DEUP1: variants seen among roughly 807,000 people sequenced by gnomAD.
DEUP1 encodes the protein deuterosome assembly protein 1, also known as coiled-coil domain containing 67.
DEUP1 carries 82 observed loss-of-function variants against 87.4 expected under a neutral mutation model. The ratio of observed to expected loss-of-function variants is 0.94; its 90% CI spans 0.78 to 1.13. The LOEUF is 1.13. Ranked by LOEUF, DEUP1 falls within the 50% of genes most tolerant of loss-of-function variation. DEUP1 has a pLI of 0.00. For missense variants in DEUP1, 663 were observed against 681.5 expected (o/e 0.97, Z 0.30); for synonymous variants, 214 against 222.7 (o/e 0.96, Z 0.35).
At chr11:93,363,652 GA>G (rs1331673028) in intron 4 of DEUP1, among the ~76,000 whole-genome samples, 2 of 151,704 alleles carry the variant, frequency 1.3e-5, no homozygotes, top group African/African-American at 4.8e-5. Context: ...TTATCATTAA[GA>G]AAAATATTAG....
intron 2 of DEUP1, among the ~76,000 whole-genome samples, chr11:93,339,117 A>G (rs1046072168): frequency 2.0e-5 from 3 of 152,230 alleles, no homozygotes; most frequent in African/African-American, 4.8e-5. Context: ...ACATTTGGCT[A>G]TTATTCCCTG....
At position 93,343,842 on chromosome 11, in the gene DEUP1, CT is replaced by C. The variant is rs149094197; in HGVS notation, c.30-11521del. 4.6e-5 allele frequency among the ~76,000 whole-genome samples: 7 copies of C among 151,750 alleles called. 1 individual carries two copies. The highest frequency in any genetic ancestry group is 4.2e-4 in the South Asian group (2 of 4,808). On this transcript the variant is annotated intron_variant, in intron 2 of 13. Transcript: ENST00000298050. Reference sequence around the variant, plus strand: ...AGGCCTTTATAAGTACATTTAAGCACTTTTTTTTAGAATAATGAGGTTTATA... The same window carrying C: ...AGGCCTTTATAAGTACATTTAAGCACTTTTTTTAGAATAATGAGGTTTATA...
At chr11:93,361,365 A>C (rs532579728) in intron 4 of DEUP1, among the ~76,000 whole-genome samples, 2 of 152,224 alleles carry the variant, frequency 1.3e-5, no homozygotes, top group East Asian at 3.9e-4. Context: ...AGAGTAAAAA[A>C]CATGGGGGGA....
chr11:93,380,306 C>T (rs1362075302), intron 7 of DEUP1, among the ~76,000 whole-genome samples: 3 of 144,272 alleles, frequency 2.1e-5, no homozygotes, highest in African/African-American at 7.8e-5. Flanking sequence ...TAACAACTAC[C>T]TGTGTGGCTT....
rs1304450119 is a variant in DEUP1, at chr11:93,438,311, A to G, written c.*592A>G. On this transcript the variant is annotated 3_prime_UTR_variant, in exon 14 of 14. Transcript: ENST00000298050. ...TGAAGGTATATGGAATGTGCAATTT[A>G]CAAACCTAAAATATATGTGCCAAAA... 1 of 152,178 alleles carries G rather than the reference A, an allele frequency of 6.6e-6. No individual in the cohort carries two copies. The highest frequency in any genetic ancestry group is 6.5e-5 in the Admixed American group (1 of 15,270). The allele number at this position is 152,178 out of a possible 1,614,324, so 9.4% of individuals were successfully genotyped here.
Position 93,394,482 on chromosome 11 carries a change from G to T in DEUP1, c.1065G>T (p.Val355=). The change falls in exon 10 of 14, where the codon GTG becomes GTT. Residue 355 remains valine, a synonymous_variant. Transcript: ENST00000298050. The part of the protein sequence containing the change: ...LNKIRSQLQQ[V]EEYHNSEQER... ...AGATAAGAAGCCAACTCCAACAGGT[G>T]GAAGAGTACCATAACTCTGAGCAGG... The T allele has an allele frequency of 1.3e-6, 2 of 1,586,590 alleles. No homozygotes were observed. Among genetic ancestry groups the T allele is most frequent in the South Asian group, 2.4e-5 (2 of 84,660 alleles).
chr11:93,332,019 C>G (rs1294204515), intron 1 of DEUP1, among the ~76,000 whole-genome samples, 197 bp from the exon 2 acceptor site: 1 of 152,046 alleles, frequency 6.6e-6, no homozygotes, highest in African/African-American at 2.4e-5. Context: ...CCAGCCTGGG[C>G]CACAGAGCTA....
intron 11 of DEUP1, among the ~76,000 whole-genome samples, chr11:93,398,361 T>C (rs1335731877): frequency 6.6e-6 from 1 of 152,180 alleles, no homozygotes; most frequent in African/African-American, 2.4e-5. Context: ...TTTGCCCGAA[T>C]GAACAGTACT....
At chr11:93,416,410 G>A (rs1481355397) in intron 13 of DEUP1, among the ~76,000 whole-genome samples, 7 of 152,186 alleles carry the variant, frequency 4.6e-5, no homozygotes, top group South Asian at 2.1e-4. Flanking sequence ...ACACCTCTAC[G>A]CAAATAAACT....
chr11:93,356,496 T>C (rs1270693546), intron 3 of DEUP1, among the ~76,000 whole-genome samples: 1 of 152,184 alleles, frequency 6.6e-6, no homozygotes, highest in Non-Finnish European at 1.5e-5. Flanking sequence ...TAGGAACTGC[T>C]CTTAGACAAT....
intron 7 of DEUP1, among the ~76,000 whole-genome samples, chr11:93,374,239 T>C (rs899709392): frequency 7.2e-5 from 11 of 152,210 alleles, no homozygotes; most frequent in African/African-American, 2.4e-4. Context: ...GGGTTATGTG[T>C]TTACTGATTA....
intron 12 of DEUP1, among the ~76,000 whole-genome samples, 181 bp downstream of exon 12, chr11:93,408,608 G>T (rs765806849): frequency 6.6e-6 from 1 of 152,088 alleles, no homozygotes; most frequent in African/African-American, 2.4e-5. Context: ...AAATTGTGTC[G>T]ATTTGAAATG....
At chr11:93,368,536 C>T (rs7929254) in intron 5 of DEUP1, among the ~76,000 whole-genome samples, 13,842 of 152,104 alleles carry the variant, frequency 0.091, 1,640 homozygotes, top group African/African-American at 0.27. Context: ...ACGTGGCCAA[C>T]AGGAGAGAAA....
At chr11:93,412,332 T>C (rs1290681980) in intron 12 of DEUP1, among the ~76,000 whole-genome samples, 1 of 152,192 alleles carries the variant, frequency 6.6e-6, no homozygotes, top group Non-Finnish European at 1.5e-5. Flanking sequence ...ACAGATCAGC[T>C]TGTGAGAGGA....
intron 9 of DEUP1, among the ~76,000 whole-genome samples, chr11:93,393,075 CTCTTCCTCCTTCTTT>C (rs1946821999): frequency 8.0e-6 from 1 of 125,046 alleles, no homozygotes; most frequent in African/African-American, 3.9e-5. Context: ...CCTTCTTCTT[CTCTTCCTCCTTCTTT>C]TTTTTTTTTT....
At chr11:93,379,291 G>A (rs879437672) in intron 7 of DEUP1, among the ~76,000 whole-genome samples, 9 of 152,156 alleles carry the variant, frequency 5.9e-5, no homozygotes, top group Admixed American at 2.0e-4. Context: ...TTTCTTGGCA[G>A]TATGACTGAC....
chr11:93,379,271 T>A (rs1946188363), intron 7 of DEUP1, among the ~76,000 whole-genome samples: 1 of 152,188 alleles, frequency 6.6e-6, no homozygotes, highest in Non-Finnish European at 1.5e-5. Flanking sequence ...AAAAAGATCC[T>A]CTGTACCTCT....
rs1019449281 is a variant in DEUP1 at position 93,366,222 on chromosome 11, C to G, written c.432+1928C>G. ...ATGGACTAAGTTGATGGTAGTTAAACTGGGTGAAGGGTACATGGAGGTTTG... is the reference window on the plus strand; with the variant it reads ...ATGGACTAAGTTGATGGTAGTTAAAGTGGGTGAAGGGTACATGGAGGTTTG... On this transcript the variant is annotated intron_variant, in intron 5 of 13. Coordinates refer to ENST00000298050, the MANE Select transcript of DEUP1 (RefSeq NM_181645.4). Among the ~76,000 whole-genome samples, 19 of 152,200 alleles carry G rather than the reference C, an allele frequency of 1.2e-4. No homozygotes were observed. The East Asian group carries it at 3.7e-3, about 29-fold the overall frequency.
At chr11:93,407,922 A>G (rs1158266189) in intron 11 of DEUP1, among the ~76,000 whole-genome samples, 1 of 151,982 alleles carries the variant, frequency 6.6e-6, no homozygotes, top group Non-Finnish European at 1.5e-5. Flanking sequence ...ACAGAGAGCA[A>G]CAATGCATAG....
Sources: gnomAD v4.1 joint callset for allele counts (sites outside exome capture counted in the v4.1 genomes callset) on GRCh38, gnomAD v4.1.1 for gene constraint, MANE v1.5 for transcripts, NCBI Gene and HGNC (gene_info 2026-07-23, HGNC 2026-07-21) for gene names.